Variants in HPSE2 observed in about 807,000 individuals in gnomAD.
HPSE2 encodes the protein inactive heparanase-2.
HPSE2 carries 38 observed loss-of-function variants against 60.5 expected under a neutral mutation model. The observed-to-expected ratio is 0.63, with a 90% CI of 0.48 to 0.82. The LOEUF (loss-of-function observed/expected upper bound fraction) is 0.82, where lower values mean the gene tolerates loss of function less well. Ranked by LOEUF, HPSE2 falls within the 40% of genes least tolerant of loss-of-function variation. HPSE2 has a pLI of 0.00. For missense variants in HPSE2, 713 were observed against 740.4 expected (o/e 0.96, Z 0.43); for synonymous variants, 295 against 293.2 (o/e 1.01, Z -0.06).
intron 2 of HPSE2, among the ~76,000 whole-genome samples, chr10:99,214,827 A>G (rs1228469376): frequency 1.3e-5 from 2 of 152,218 alleles, no homozygotes; most frequent in African/African-American, 4.8e-5. Flanking sequence ...GCCAAAAAAC[A>G]TATGATAAAA....
chr10:98,698,849 AC>A (rs1462139148), intron 5 of HPSE2, among the ~76,000 whole-genome samples: 3 of 152,382 alleles, frequency 2.0e-5, no homozygotes, highest in Middle Eastern at 3.4e-3. Context: ...ACCATCAGAG[AC>A]TACTACAAAC....
chr10:98,514,048 GTA>G (rs1044505682), intron 9 of HPSE2, among the ~76,000 whole-genome samples: 1 of 151,514 alleles, frequency 6.6e-6, no homozygotes, highest in East Asian at 1.9e-4. Context: ...TGGCACATAT[GTA>G]TATATATATA....
intron 5 of HPSE2, among the ~76,000 whole-genome samples, chr10:98,718,955 G>A (rs1217177193): frequency 6.6e-6 from 1 of 152,046 alleles, no homozygotes; most frequent in Admixed American, 6.6e-5. Flanking sequence ...CCAACACAAA[G>A]AAATAATTTA....
intron 9 of HPSE2, among the ~76,000 whole-genome samples, chr10:98,542,090 A>G (rs540269097): frequency 1.3e-5 from 2 of 151,930 alleles, no homozygotes; most frequent in Admixed American, 1.3e-4. Context: ...GTAGGGGCAG[A>G]CTGACACCTC....
At chr10:99,069,927 T>C (rs1460706639) in intron 3 of HPSE2, among the ~76,000 whole-genome samples, 2 of 152,062 alleles carry the variant, frequency 1.3e-5, no homozygotes, top group African/African-American at 4.8e-5. Flanking sequence ...AAGTGGGATA[T>C]GGGCAGTGAA....
At chr10:98,972,822 C>T (rs1457826522) in intron 3 of HPSE2, among the ~76,000 whole-genome samples, 2 of 152,086 alleles carry the variant, frequency 1.3e-5, no homozygotes, top group African/African-American at 4.8e-5. Context: ...ACGCATAAAG[C>T]ATTTTACATT....
rs182035499 is a variant in HPSE2 at position 99,101,129 on chromosome 10, T to A, written c.610+43109A>T. Among the ~76,000 whole-genome samples, 274 of 152,240 alleles carry A rather than the reference T, an allele frequency of 1.8e-3. 2 individuals carry two copies. The highest frequency in any genetic ancestry group is 6.4e-3 in the African/African-American group (266 of 41,548). The stretch of plus-strand genomic sequence containing the variant: ...CATCATAATGACAGGATAAAATTCA[T>A]ACATTACAATATTAACCTTAAATAT... On this transcript the variant is annotated intron_variant, in intron 3 of 11. Coordinates refer to ENST00000370552, the MANE Select transcript of HPSE2 (RefSeq NM_021828.5).
At chr10:99,299,820 T>G in the HPSE2 span, among the ~76,000 whole-genome samples, 1 of 152,080 alleles carries the variant, frequency 6.6e-6, no homozygotes, top group Admixed American at 6.5e-5. Flanking sequence ...TCAGGGCTGT[T>G]TAGTTGAGGC....
chr10:98,461,896 G>A (rs1940306446), intron 11 of HPSE2: 1 of 1,050,258 alleles, frequency 9.5e-7, no homozygotes, highest in Non-Finnish European at 1.5e-6. Context: ...TCCTGGAACA[G>A]GCCCTATTCT....
At chr10:98,636,598 C>T (rs2134023591) in intron 7 of HPSE2, among the ~76,000 whole-genome samples, 1 of 152,002 alleles carries the variant, frequency 6.6e-6, no homozygotes, top group Non-Finnish European at 1.5e-5. Context: ...TCATTCTGTA[C>T]CCCATAAGTA....
chr10:99,048,521 C>T (rs1957913198), intron 3 of HPSE2, among the ~76,000 whole-genome samples: 1 of 152,106 alleles, frequency 6.6e-6, no homozygotes, highest in Non-Finnish European at 1.5e-5. Flanking sequence ...ATCAAAACCA[C>T]AGTGAGATAC....
intron 3 of HPSE2, among the ~76,000 whole-genome samples, chr10:99,104,951 T>C (rs1405777709): frequency 2.0e-5 from 3 of 151,274 alleles, no homozygotes; most frequent in Non-Finnish European, 4.4e-5. Context: ...TTAGGAGATA[T>C]AACTAACGTA....
chr10:99,132,138 A>AAAGAAAGGAAGAAAGGAAGAAAGG (rs1367480488), intron 3 of HPSE2, among the ~76,000 whole-genome samples: 1 of 49,106 alleles, frequency 2.0e-5, no homozygotes, highest in African/African-American at 4.1e-5. Flanking sequence ...GAAAGGAAAG[A>AAAGAAAGGAAGAAAGGAAGAAAGG]AAGAAAGGAA....
rs561123132 is a variant in HPSE2, at chr10:98,459,411, G to C, written c.*163C>G. On this transcript the variant is annotated 3_prime_UTR_variant, in exon 12 of 12. Coordinates refer to ENST00000370552, the MANE Select transcript of HPSE2 (RefSeq NM_021828.5). ...TGTGGCCTACCTAGGCTAAGATCAC[G>C]CTATGACATTTAGTCTCTTTGGAGA... 1.2e-6 allele frequency: 1 copy of C among 812,370 alleles called. No homozygotes were observed. Among genetic ancestry groups the C allele is most frequent in the African/African-American group, 1.7e-5 (1 of 59,548 alleles). 50.3% of individuals were successfully genotyped at this position (812,370 alleles called of 1,614,324 possible).
intron 2 of HPSE2, among the ~76,000 whole-genome samples, chr10:99,172,200 T>C (rs928642095): frequency 1.3e-5 from 2 of 152,158 alleles, no homozygotes; most frequent in Non-Finnish European, 2.9e-5. Context: ...CTCTCACCCA[T>C]TAGTCCCCAG....
chr10:99,198,451 G>A (rs947653986), intron 2 of HPSE2, among the ~76,000 whole-genome samples: 4 of 152,022 alleles, frequency 2.6e-5, no homozygotes, highest in Admixed American at 6.6e-5. Flanking sequence ...ATTCTCCAAC[G>A]TTTTTATTGC....
intron 9 of HPSE2, among the ~76,000 whole-genome samples, chr10:98,599,131 T>TG (rs1945327792): frequency 1.3e-5 from 2 of 152,072 alleles, no homozygotes; most frequent in South Asian, 4.1e-4. Flanking sequence ...GAGATTGACC[T>TG]GAAGGATAGG....
At position 99,019,609 on chromosome 10, in the gene HPSE2, C is replaced by T. The variant is rs534012564; in HGVS notation, c.610+124629G>A. ...GTAGAGTCAAAATAGCCAGATTTTC[C>T]TCAAAAGTTCATTCTAGTGCTTCCA... is the stretch of plus-strand genomic sequence containing the variant. On this transcript the variant is annotated intron_variant, in intron 3 of 11. Transcript: ENST00000370552. Among the ~76,000 whole-genome samples, 3 of 152,264 alleles carry T rather than the reference C, an allele frequency of 2.0e-5. No individual in the cohort carries two copies. The South Asian group carries it at 6.2e-4, about 32-fold the overall frequency.
At chr10:99,137,929 G>T (rs1053804706) in intron 3 of HPSE2, among the ~76,000 whole-genome samples, 1 of 152,104 alleles carries the variant, frequency 6.6e-6, no homozygotes, top group East Asian at 1.9e-4. Flanking sequence ...CACAGCAAAA[G>T]AAACTATTAT....
Sources: gnomAD v4.1 joint callset for allele counts (sites outside exome capture counted in the v4.1 genomes callset) on GRCh38, gnomAD v4.1.1 for gene constraint, MANE v1.5 for transcripts, NCBI Gene and HGNC (gene_info 2026-07-23, HGNC 2026-07-21) for gene names.